FLRT3: variants seen among roughly 807,000 people sequenced by gnomAD.
FLRT3 encodes the protein leucine-rich repeat transmembrane protein FLRT3.
FLRT3 carries 17 observed loss-of-function variants against 42.6 expected under a neutral mutation model. The observed-to-expected ratio is 0.40, with a 90% confidence interval of 0.27 to 0.60. FLRT3 has a LOEUF of 0.60. Among genes scored for constraint, FLRT3 ranks in the 20% least tolerant of loss-of-function variants. The pLI, the probability that FLRT3 is intolerant of heterozygous loss-of-function variation, is 0.44. For synonymous variants in FLRT3, 279 were observed against 286.4 expected (o/e 0.97, Z 0.26); for missense variants, 635 against 789.2 (o/e 0.80, Z 2.34).
chr20:14,336,946 A>G (rs1268561745), intron 1 of FLRT3, among the ~76,000 whole-genome samples: 1 of 152,158 alleles, frequency 6.6e-6, no homozygotes, highest in Admixed American at 6.5e-5. Context: ...TGTGAGCAAG[A>G]TGTATGCTTT....
chr20:14,333,934 A>G (rs990683753), intron 1 of FLRT3, among the ~76,000 whole-genome samples: 7 of 152,318 alleles, frequency 4.6e-5, no homozygotes, highest in Admixed American at 2.6e-4. Flanking sequence ...TTGCCTCGGT[A>G]ACTTGTGCAC....
In FLRT3 at chr20:14,326,319, G is replaced by T; in HGVS notation, c.1188C>A (p.Leu396=). The change falls in exon 3 of 3, where the codon CTC becomes CTA. Residue 396 remains leucine (L), a synonymous_variant. Coordinates refer to ENST00000341420, the MANE Select transcript of FLRT3 (RefSeq NM_198391.3). This position sits in a 1 kb window ranked among gnomAD's most constrained non-coding sequence, Gnocchi z 5.5. ...TCCCTGTGGTTTGGTGATCCTTAGT[G>T]AGCTTGGGGTTCTTAATATCTGGCT... ...TKQPDIKNPK[L]TKDHQTTGSP... The T allele has an allele frequency of 2.5e-6, 4 of 1,613,894 alleles. No individual in the cohort carries two copies. The highest frequency in any genetic ancestry group is 3.4e-6 in the Non-Finnish European group (4 of 1,179,854).
intron 2 of FLRT3, 52 bp from the exon 3 acceptor site, chr20:14,327,610 A>G: frequency 4.8e-6 from 6 of 1,259,082 alleles, no homozygotes; most frequent in Non-Finnish European, 6.4e-6. Flanking sequence ...CAGCATACTG[A>G]ATATAATGTT....
chr20:14,331,443 A>C (rs903768489), intron 1 of FLRT3, among the ~76,000 whole-genome samples: 2 of 152,136 alleles, frequency 1.3e-5, no homozygotes, highest in Non-Finnish European at 2.9e-5. Context: ...TAGTGGTAAT[A>C]ATGTGGGATT....
Position 14,327,327 on chromosome 20 carries a change from A to C in FLRT3, c.180T>G (p.Ala60=), listed in dbSNP as rs1241654294. The change falls in exon 3 of 3, where the codon GCT becomes GCG. Residue 60 remains alanine (A), a synonymous_variant. Transcript: ENST00000341420. The part of the protein sequence containing the change: ...TSIPTGIPED[A]TTLYLQNNQI... The stretch of plus-strand genomic sequence containing the variant: ...GGTTGTTCTGAAGGTAGAGAGTTGT[A>C]GCATCCTCTGGTATTCCTGTTGGAA... 1 of 1,613,714 alleles carries C rather than the reference A, an allele frequency of 6.2e-7. No individual in the cohort carries two copies. The highest frequency in any genetic ancestry group is 8.5e-7 in the Non-Finnish European group (1 of 1,179,790).
At chr20:14,334,660 G>C (rs576905167) in intron 1 of FLRT3, among the ~76,000 whole-genome samples, 1 of 151,852 alleles carries the variant, frequency 6.6e-6, no homozygotes, top group East Asian at 1.9e-4. Context: ...GCAAAAGGTG[G>C]GGGGTGGGAG....
Position 14,335,438 on chromosome 20 carries a change from GGCTCCTT to G in FLRT3, c.-247+1959_-247+1965del, listed in dbSNP as rs1314402806. ...CTGAAAAAGTTTTGATAGAATTGTA[GGCTCCTT>G]AATTAACACTTGAAAGCAAAAGAAA... On this transcript the variant is annotated intron_variant, in intron 1 of 2. Coordinates refer to ENST00000341420, the MANE Select transcript of FLRT3 (RefSeq NM_198391.3). 6.8e-4 allele frequency among the ~76,000 whole-genome samples: 103 copies of G among 152,290 alleles called. 1 individual carries two copies. The highest frequency in any genetic ancestry group is 2.5e-3 in the African/African-American group (103 of 41,560).
At chr20:14,334,841 G>T (rs776318190) in intron 1 of FLRT3, among the ~76,000 whole-genome samples, 4 of 151,602 alleles carry the variant, frequency 2.6e-5, no homozygotes, top group Non-Finnish European at 4.4e-5. Flanking sequence ...ATATATAAGG[G>T]GATCTATTCA....
chr20:14,334,661 G>C (rs1354930503), intron 1 of FLRT3, among the ~76,000 whole-genome samples: 1 of 151,852 alleles, frequency 6.6e-6, no homozygotes, highest in Admixed American at 6.6e-5. Context: ...CAAAAGGTGG[G>C]GGGTGGGAGG....
chr20:14,337,276 G>C (rs6042677), intron 1 of FLRT3, 128 bp downstream of exon 1: 11,246 of 253,362 alleles, frequency 0.044, 477 homozygotes, highest in African/African-American at 0.13. Flanking sequence ...CACATATATT[G>C]CTTGTTGTGG....
intron 2 of FLRT3, among the ~76,000 whole-genome samples, chr20:14,327,841 C>G (rs2082763342): frequency 6.6e-6 from 1 of 151,892 alleles, no homozygotes; most frequent in Non-Finnish European, 1.5e-5. Context: ...ATTGAATAAT[C>G]CAAAGTATTT....
Position 14,326,790 on chromosome 20 carries a change from A to G in FLRT3, c.717T>C (p.Ala239=). 6.2e-7 allele frequency: 1 copy of G among 1,613,836 alleles called. No individual in the cohort carries two copies. Among genetic ancestry groups the G allele is most frequent in the Non-Finnish European group, 8.5e-7 (1 of 1,179,820 alleles). The change falls in exon 3 of 3, where the codon GCT becomes GCC. Residue 239 remains alanine, a synonymous_variant. Transcript: ENST00000341420. The surrounding 1 kb of genome is among the most constrained non-coding windows in gnomAD (Gnocchi z 5.5). Reference sequence around the variant, plus strand: ...TTGTGCCTGGAAGGTTTACTGGTGCAGCAGTCAGGGAATTCCGCACCAGGG... The same window carrying G: ...TTGTGCCTGGAAGGTTTACTGGTGCGGCAGTCAGGGAATTCCGCACCAGGG... The part of the protein sequence containing the change: ...ELSLVRNSLT[A]APVNLPGTNL...
rs1442562625 is a variant in FLRT3 at position 14,325,811 on chromosome 20, T to C, written c.1696A>G (p.Ser566Gly). ...GSLFSRNCAY[S>G]KGRRRKDDYA... ...TCATCCTTTCTTCTCCTCCCTTTGCTATATGCACAGTTCCTTGAGAAGAGC... is the reference window on the plus strand; with the variant it reads ...TCATCCTTTCTTCTCCTCCCTTTGCCATATGCACAGTTCCTTGAGAAGAGC... The change falls in exon 3 of 3, where the codon AGC (serine) becomes GGC (glycine). Residue 566 changes from serine to glycine, a missense_variant. By Grantham distance (56) the Ser-to-Gly change is moderately conservative. Transcript: ENST00000341420. 3.7e-6 allele frequency: 6 copies of C among 1,613,926 alleles called. No individual in the cohort carries two copies. The highest frequency in any genetic ancestry group is 5.1e-6 in the Non-Finnish European group (6 of 1,179,852).
chr20:14,330,174 A>G (rs2082808869), intron 1 of FLRT3, among the ~76,000 whole-genome samples: 1 of 152,050 alleles, frequency 6.6e-6, no homozygotes, highest in Non-Finnish European at 1.5e-5. Context: ...CCAGTTTTTA[A>G]TAAGTGTATT....
chr20:14,333,398 G>A (rs1410403706), intron 1 of FLRT3, among the ~76,000 whole-genome samples: 7 of 152,088 alleles, frequency 4.6e-5, no homozygotes, highest in Non-Finnish European at 7.4e-5. Flanking sequence ...GATATTATCC[G>A]TCAGCATAGT....
rs573855423 is a variant in FLRT3 at position 14,328,855 on chromosome 20, A to G, written c.-53+279T>C. The G allele has an allele frequency of 2.0e-5, 3 of 152,000 alleles. No individual in the cohort carries two copies. In the East Asian group the frequency reaches 5.8e-4, roughly 29 times the overall value. The allele number at this position is 152,000 out of a possible 1,614,324, so 9.4% of individuals were successfully genotyped here. A position where few individuals can be genotyped will look rare whatever the true frequency, so the allele number is the denominator to read the frequency against. ...TACTATGTAGGACACATGGCTTCCTATGTATTTTTTTTTTCTTTCTGATAG... is the reference window on the plus strand; with the variant it reads ...TACTATGTAGGACACATGGCTTCCTGTGTATTTTTTTTTTCTTTCTGATAG... On this transcript the variant is annotated intron_variant, in intron 2 of 2. Coordinates refer to ENST00000341420, the MANE Select transcript of FLRT3 (RefSeq NM_198391.3).
intron 1 of FLRT3, among the ~76,000 whole-genome samples, chr20:14,332,534 T>C (rs1161600356): frequency 6.6e-6 from 1 of 152,158 alleles, no homozygotes; most frequent in African/African-American, 2.4e-5. Context: ...AGATTTAAAT[T>C]GATTTTGATT....
In FLRT3 at chr20:14,324,406, T is replaced by C. The variant is rs2082702530; in HGVS notation, c.*1151A>G. The C allele has an allele frequency of 6.6e-6, 1 of 152,560 alleles. No homozygotes were observed. The highest frequency in any genetic ancestry group is 1.5e-5 in the Non-Finnish European group (1 of 68,002). The allele number at this position is 152,560 out of a possible 1,614,324, so 9.5% of individuals were successfully genotyped here. A position where few individuals can be genotyped will look rare whatever the true frequency, so the allele number is the denominator to read the frequency against. On this transcript the variant is annotated 3_prime_UTR_variant, in exon 3 of 3. Coordinates refer to ENST00000341420, the MANE Select transcript of FLRT3 (RefSeq NM_198391.3). ...CATTACGAGTTCATTATATAATATC[T>C]GGAAAATTGTGACAGTAATGGGCAG...
Position 14,327,178 on chromosome 20 carries a change from T to A in FLRT3, c.329A>T (p.His110Leu). The change falls in exon 3 of 3, where the codon CAT becomes CTT. Residue 110 changes from histidine to leucine, a missense_variant. By Grantham distance (99) the His-to-Leu change is moderately conservative. Coordinates refer to ENST00000341420, the MANE Select transcript of FLRT3 (RefSeq NM_198391.3). ...AGTCCTTATGTTATTTTCTTGCAAATGTAACTCTTTTACATACTTTGGGAG... is the reference window on the plus strand; with the variant it reads ...AGTCCTTATGTTATTTTCTTGCAAAAGTAACTCTTTTACATACTTTGGGAG... ...TNLPKYVKEL[H>L]LQENNIRTIT... The A allele has an allele frequency of 1.2e-6, 2 of 1,613,732 alleles. No individual in the cohort carries two copies. Among genetic ancestry groups the A allele is most frequent in the African/African-American group, 2.7e-5 (2 of 75,012 alleles).
Sources: gnomAD v4.1 joint callset for allele counts (sites outside exome capture counted in the v4.1 genomes callset) on GRCh38, gnomAD v4.1.1 for gene constraint, Gnocchi (gnomAD v3.1) non-coding constraint, MANE v1.5 for transcripts, NCBI Gene and HGNC (gene_info 2026-07-23, HGNC 2026-07-21) for gene names.